The following PPM1E variants were observed in gnomAD, a reference collection of about 807,000 sequenced individuals.
The protein encoded by PPM1E is protein phosphatase, Mg2+/Mn2+ dependent 1E.
Under a neutral mutation model 65.9 loss-of-function variants are expected in PPM1E, and 20 were observed. That is an observed-to-expected ratio of 0.30 (90% CI 0.21 to 0.44). The LOEUF (loss-of-function observed/expected upper bound fraction) is 0.44, where lower values mean the gene tolerates loss of function less well. Ranked by LOEUF, PPM1E falls within the 20% of genes least tolerant of loss-of-function variation. The pLI is 1.00. For missense variants in PPM1E, 713 were observed against 953.1 expected, an observed-to-expected ratio of 0.75 and a Z score of 3.32; for synonymous variants, 352 against 374.9, an observed-to-expected ratio of 0.94 and a Z score of 0.70.
intron 1 of PPM1E, among the ~76,000 whole-genome samples, chr17:58,774,392 A>T (rs954903460): frequency 3.9e-5 from 6 of 152,160 alleles, no homozygotes; most frequent in Admixed American, 6.6e-5. Flanking sequence ...ACCAGTGTTC[A>T]ATATTTTGGA....
At chr17:58,789,865 C>G (rs1426631690) in intron 1 of PPM1E, among the ~76,000 whole-genome samples, 3 of 152,092 alleles carry the variant, frequency 2.0e-5, no homozygotes, top group African/African-American at 7.2e-5. Context: ...CCCATAATCT[C>G]ATTTTATCAA....
intron 6 of PPM1E, among the ~76,000 whole-genome samples, chr17:58,975,642 A>G (rs1431917015): frequency 2.0e-5 from 3 of 152,326 alleles, no homozygotes; most frequent in South Asian, 2.1e-4. Flanking sequence ...TTTTAGGAAA[A>G]GCAACAAGTC....
chr17:58,777,431 T>G (rs2050004912), intron 1 of PPM1E, among the ~76,000 whole-genome samples: 1 of 152,244 alleles, frequency 6.6e-6, no homozygotes, highest in Non-Finnish European at 1.5e-5. Context: ...TGCTTTGATC[T>G]ATATTTTGTC....
At chr17:58,958,585 T>C (rs2029924202) in intron 2 of PPM1E, among the ~76,000 whole-genome samples, 1 of 151,964 alleles carries the variant, frequency 6.6e-6, no homozygotes, top group Admixed American at 6.6e-5. Flanking sequence ...TAAAAAGTTT[T>C]TGTAAATAAA....
At position 58,883,778 on chromosome 17, in the gene PPM1E, C is replaced by T. The variant is rs945977693; in HGVS notation, c.465-71871C>T. Among the ~76,000 whole-genome samples the T allele has an allele frequency of 5.3e-5, 8 of 152,048 alleles. No homozygotes were observed. In the East Asian group the frequency reaches 1.4e-3, roughly 26 times the overall value. Reference sequence around the variant, plus strand: ...GGGATTACAGGCGTGAGCCACCGCGCCCGGCCCGCTGCCTGTTCTTAAATA... The same window carrying T: ...GGGATTACAGGCGTGAGCCACCGCGTCCGGCCCGCTGCCTGTTCTTAAATA... On this transcript the variant is annotated intron_variant, in intron 1 of 6. Coordinates refer to ENST00000308249, the MANE Select transcript of PPM1E (RefSeq NM_014906.5).
chr17:58,858,937 A>G (rs1379348898), intron 1 of PPM1E, among the ~76,000 whole-genome samples: 2 of 152,210 alleles, frequency 1.3e-5, no homozygotes, highest in East Asian at 3.8e-4. Flanking sequence ...AAGCCATTAC[A>G]TTTTTAATTT....
chr17:58,842,341 C>T, intron 1 of PPM1E, among the ~76,000 whole-genome samples: 1 of 152,112 alleles, frequency 6.6e-6, no homozygotes, highest in South Asian at 2.1e-4. Context: ...TAAGTAAAAA[C>T]TAAGGAAATC....
chr17:58,783,854 A>G (rs1461639845), intron 1 of PPM1E, among the ~76,000 whole-genome samples: 1 of 146,868 alleles, frequency 6.8e-6, no homozygotes, highest in Non-Finnish European at 1.5e-5. Flanking sequence ...ATTACAGGTG[A>G]CCACCACCAC....
chr17:58,827,919 A>AAAAT (rs1270333693), intron 1 of PPM1E, among the ~76,000 whole-genome samples: 3 of 144,196 alleles, frequency 2.1e-5, no homozygotes, highest in African/African-American at 7.7e-5. Flanking sequence ...AAAAATAATA[A>AAAAT]TAATAATAAT....
At chr17:58,848,418 A>C (rs2050792865) in intron 1 of PPM1E, among the ~76,000 whole-genome samples, 1 of 152,162 alleles carries the variant, frequency 6.6e-6, no homozygotes, top group South Asian at 2.1e-4. Flanking sequence ...TTTGTCATAA[A>C]TAGCTCTTAT....
At chr17:58,761,449 A>G (rs144405191) in intron 1 of PPM1E, among the ~76,000 whole-genome samples, 1 of 152,280 alleles carries the variant, frequency 6.6e-6, no homozygotes, top group East Asian at 1.9e-4. Flanking sequence ...TTACTTCATT[A>G]GTTTTATTTC....
chr17:58,755,863 C>G lies in PPM1E; in HGVS notation c.-135C>G, dbSNP rs560462658. 1 of 1,435,460 alleles carries G rather than the reference C, an allele frequency of 7.0e-7. No individual in the cohort carries two copies. Among genetic ancestry groups the G allele is most frequent in the Non-Finnish European group, 9.1e-7 (1 of 1,094,918 alleles). The allele number at this position is 1,435,460 out of a possible 1,614,324, so 88.9% of individuals were successfully genotyped here. ...CACGCCTGCGGGAGCCCTCTCCAGGCAACCTAGTGCTGATCGCTCGTGCCG... is the reference window on the plus strand; with the variant it reads ...CACGCCTGCGGGAGCCCTCTCCAGGGAACCTAGTGCTGATCGCTCGTGCCG... On this transcript the variant is annotated 5_prime_UTR_variant, in exon 1 of 7. Transcript: ENST00000308249.
chr17:58,840,215 G>C (rs1458114604), intron 1 of PPM1E, among the ~76,000 whole-genome samples: 1 of 152,156 alleles, frequency 6.6e-6, no homozygotes, highest in Non-Finnish European at 1.5e-5. Context: ...TGCCAACCAG[G>C]TAAGATCACT....
At chr17:58,931,490 T>C (rs545523093) in intron 1 of PPM1E, among the ~76,000 whole-genome samples, 10 of 152,064 alleles carry the variant, frequency 6.6e-5, no homozygotes, top group African/African-American at 2.2e-4. Flanking sequence ...CTTGAATCTA[T>C]AGATTGAGAG....
intron 1 of PPM1E, among the ~76,000 whole-genome samples, chr17:58,807,238 A>C (rs567046596): frequency 6.6e-6 from 1 of 152,310 alleles, no homozygotes; most frequent in African/African-American, 2.4e-5. Context: ...TTAAAAAGAA[A>C]ATGTTTTAGT....
At chr17:58,825,212 T>TCACA (rs955027575) in intron 1 of PPM1E, among the ~76,000 whole-genome samples, 2 of 124,822 alleles carry the variant, frequency 1.6e-5, no homozygotes, top group East Asian at 2.5e-4. Flanking sequence ...CTATTGATTC[T>TCACA]CACACACACA....
intron 1 of PPM1E, among the ~76,000 whole-genome samples, chr17:58,883,425 T>G (rs1024463141): frequency 6.6e-6 from 1 of 151,920 alleles, no homozygotes; most frequent in Non-Finnish European, 1.5e-5. Flanking sequence ...TTAATTTTAG[T>G]CTCTATTTTC....
rs117879179 is a variant in PPM1E, at chr17:58,831,275, C to T, written c.464+74814C>T. Among the ~76,000 whole-genome samples the T allele has an allele frequency of 3.7e-3, 564 of 152,276 alleles. 24 individuals carry two copies. In the East Asian group the frequency reaches 0.098, roughly 26 times the overall value. Reference sequence around the variant, plus strand: ...TCGTCCACCTTGGTCTCCCAAAATGCTAGGATTACAGGCGTGAGCCACTGC... The same window carrying T: ...TCGTCCACCTTGGTCTCCCAAAATGTTAGGATTACAGGCGTGAGCCACTGC... On this transcript the variant is annotated intron_variant, in intron 1 of 6. Transcript: ENST00000308249.
At chr17:58,829,514 T>C (rs1373674524) in intron 1 of PPM1E, among the ~76,000 whole-genome samples, 1 of 152,206 alleles carries the variant, frequency 6.6e-6, no homozygotes, top group African/African-American at 2.4e-5. Flanking sequence ...AATCATTTTT[T>C]ATAAGGCTTT....
Sources: allele counts gnomAD v4.1 joint callset (sites outside exome capture counted in the v4.1 genomes callset), GRCh38; gene constraint gnomAD v4.1.1; transcripts MANE v1.5; gene names NCBI Gene and HGNC (gene_info 2026-07-23, HGNC 2026-07-21).